Variants in FAM193A observed in about 807,000 individuals in gnomAD.
FAM193A encodes family with sequence similarity 193 member A.
A neutral mutation model predicts 126.5 loss-of-function variants in FAM193A; 22 were observed. The observed-to-expected ratio is 0.17, with a 90% CI of 0.12 to 0.25. The LOEUF is 0.25. FAM193A is among the 10% of genes least tolerant of loss of function. The probability of loss-of-function intolerance (pLI) is 1.00; values close to 1 mark genes in which losing one functional copy is unlikely to be tolerated. For synonymous variants in FAM193A, 761 were observed against 646.8 expected (o/e 1.18, Z -2.68); for missense variants, 1,675 against 1,672.8 (o/e 1.00, Z -0.02).
intron 1 of FAM193A, among the ~76,000 whole-genome samples, chr4:2,539,834 C>T (rs111537321): frequency 9.2e-5 from 14 of 152,270 alleles, no homozygotes; most frequent in African/African-American, 3.4e-4. Flanking sequence ...CACCGTGGCT[C>T]ATGCCTGTAA....
intron 1 of FAM193A, among the ~76,000 whole-genome samples, chr4:2,580,590 C>T (rs1174481707): frequency 2.0e-5 from 3 of 152,120 alleles, no homozygotes; most frequent in Admixed American, 1.3e-4. Flanking sequence ...AATGTCCTCC[C>T]CATGGTAATG....
At chr4:2,651,959 G>A (rs768091094) in intron 7 of FAM193A, among the ~76,000 whole-genome samples, 1 of 152,162 alleles carries the variant, frequency 6.6e-6, no homozygotes, top group Non-Finnish European at 1.5e-5. Context: ...AGGCAGAGTG[G>A]GCTGTAGTGT....
At chr4:2,611,409 C>T (rs773029325) in intron 2 of FAM193A, among the ~76,000 whole-genome samples, 3 of 152,054 alleles carry the variant, frequency 2.0e-5, no homozygotes, top group Admixed American at 6.6e-5. Flanking sequence ...GCTGGGACTA[C>T]AGGCGCCAGC....
intron 20 of FAM193A, among the ~76,000 whole-genome samples, chr4:2,716,399 G>A (rs1226006113): frequency 6.6e-6 from 1 of 152,176 alleles, no homozygotes; most frequent in African/African-American, 2.4e-5. Flanking sequence ...TTCTGAGGCG[G>A]TGGCTCTCCA....
intron 20 of FAM193A, among the ~76,000 whole-genome samples, chr4:2,718,451 G>A (rs1374489397): frequency 6.6e-6 from 1 of 151,974 alleles, no homozygotes; most frequent in African/African-American, 2.4e-5. Flanking sequence ...TTTTGTCCGG[G>A]TGCTGTGGTT....
In FAM193A at chr4:2,695,040, G is replaced by T; in HGVS notation, c.3187G>T (p.Glu1063Ter). 6.2e-7 allele frequency: 1 copy of T among 1,609,966 alleles called. No individual in the cohort carries two copies. Among genetic ancestry groups the T allele is most frequent in the South Asian group, 1.1e-5 (1 of 90,206 alleles). ...DESADEDSCS[E>*]HSSSTSTSTN... is the part of the protein sequence containing the mutation. ...GAGTGCAGATGAGGACAGCTGCTCT[G>T]AGCACAGCTCCAGCACCTCGACCTC... Residue 1063 changes from glutamate to a stop codon, truncating the protein, a stop_gained, in exon 17 of 21, where the codon GAG (glutamate) becomes TAG (stop). Coordinates refer to ENST00000637812, the MANE Select transcript of FAM193A (RefSeq NM_001366318.2). LOFTEE classifies it high-confidence loss of function.
At chr4:2,721,658 G>C (rs1720170511) in intron 20 of FAM193A, among the ~76,000 whole-genome samples, 2 of 152,220 alleles carry the variant, frequency 1.3e-5, no homozygotes, top group South Asian at 4.1e-4. Context: ...GCTGGAGGAA[G>C]GTGTGAAGCG....
At chr4:2,563,186 G>T (rs959028907) in intron 1 of FAM193A, among the ~76,000 whole-genome samples, 1 of 151,528 alleles carries the variant, frequency 6.6e-6, no homozygotes, top group African/African-American at 2.4e-5. Context: ...CTCGTGATCC[G>T]CCTGCCTCTG....
At chr4:2,542,365 C>T (rs903251560) in intron 1 of FAM193A, among the ~76,000 whole-genome samples, 1 of 151,990 alleles carries the variant, frequency 6.6e-6, no homozygotes, top group African/African-American at 2.4e-5. Context: ...GTCTCGAACT[C>T]CTGACCTCAA....
At chr4:2,558,968 C>T (rs575426607) in intron 1 of FAM193A, among the ~76,000 whole-genome samples, 1 of 152,154 alleles carries the variant, frequency 6.6e-6, no homozygotes, top group Non-Finnish European at 1.5e-5. Flanking sequence ...CCACTGCACT[C>T]CAGCCTGGGT....
At chr4:2,566,388 G>A (rs1738952620) in intron 1 of FAM193A, among the ~76,000 whole-genome samples, 1 of 152,114 alleles carries the variant, frequency 6.6e-6, no homozygotes, top group South Asian at 2.1e-4. Flanking sequence ...TGTGATGAGC[G>A]TTTTGTAAAT....
At chr4:2,561,286 G>C (rs374279823) in intron 1 of FAM193A, among the ~76,000 whole-genome samples, 1 of 148,258 alleles carries the variant, frequency 6.7e-6, no homozygotes, top group Admixed American at 6.8e-5. Flanking sequence ...GTTCCAGGCA[G>C]TTCTCCCATG....
chr4:2,649,603 T>G (rs1745469697), intron 7 of FAM193A, among the ~76,000 whole-genome samples: 1 of 152,030 alleles, frequency 6.6e-6, no homozygotes, highest in Admixed American at 6.6e-5. Context: ...GCCTAGGAGG[T>G]TGAGGCTGTG....
At chr4:2,669,352 C>G (rs1327536954) in intron 12 of FAM193A, among the ~76,000 whole-genome samples, 1 of 152,004 alleles carries the variant, frequency 6.6e-6, no homozygotes, top group Non-Finnish European at 1.5e-5. Flanking sequence ...GGGGGTGTCT[C>G]ACGCCCAGCA....
At chr4:2,587,879 A>G (rs1740321449) in intron 1 of FAM193A, among the ~76,000 whole-genome samples, 1 of 152,116 alleles carries the variant, frequency 6.6e-6, no homozygotes, top group African/African-American at 2.4e-5. Flanking sequence ...TCCTAATGGA[A>G]GTGATGCAGG....
intron 2 of FAM193A, among the ~76,000 whole-genome samples, chr4:2,620,789 T>C (rs1742493564): frequency 8.0e-6 from 1 of 125,324 alleles, no homozygotes; most frequent in Non-Finnish European, 1.5e-5. Flanking sequence ...TGAGCCGATA[T>C]CACAGCATTG....
At chr4:2,547,600 G>T in intron 1 of FAM193A, among the ~76,000 whole-genome samples, 1 of 147,264 alleles carries the variant, frequency 6.8e-6, no homozygotes, top group South Asian at 2.2e-4. Context: ...GTGTGTGTGT[G>T]TGTCTGTGTG....
intron 20 of FAM193A, among the ~76,000 whole-genome samples, chr4:2,728,238 A>ATTTTTTTTTTTTTTTTTTTTTTTTT (rs58609064): frequency 1.2e-5 from 1 of 82,062 alleles, no homozygotes; most frequent in Non-Finnish European, 2.2e-5. Context: ...ACCCGGCCCA[A>ATTTTTTTTTTTTTTTTTTTTTTTTT]TTTTTTTTTT....
At chr4:2,629,989 G>A (rs746915616) in intron 4 of FAM193A, among the ~76,000 whole-genome samples, 2 of 151,934 alleles carry the variant, frequency 1.3e-5, no homozygotes, top group African/African-American at 4.8e-5. Context: ...AAAATTAGCC[G>A]GGCGTGGTGG....
Sources: gnomAD v4.1 joint callset for allele counts (sites outside exome capture counted in the v4.1 genomes callset) on GRCh38, gnomAD v4.1.1 for gene constraint, MANE v1.5 for transcripts, NCBI Gene and HGNC (gene_info 2026-07-23, HGNC 2026-07-21) for gene names.